STAP1: variants seen among roughly 807,000 people sequenced by gnomAD.
STAP1 encodes the protein signal transducing adaptor family member 1, also known as signal-transducing adaptor protein 1.
Under a neutral mutation model 37.8 loss-of-function variants are expected in STAP1, and 30 were observed. The ratio of observed to expected loss-of-function variants is 0.79; its 90% CI spans 0.59 to 1.08. The LOEUF is 1.08. STAP1 is among the 50% of genes least tolerant of loss of function. The probability of loss-of-function intolerance (pLI) is 0.00; values close to 1 mark genes in which losing one functional copy is unlikely to be tolerated. For synonymous variants in STAP1, 130 were observed against 116.0 expected (o/e 1.12, Z -0.78); for missense variants, 357 against 349.4 (o/e 1.02, Z -0.17).
intron 8 of STAP1, 35 bp downstream of exon 8, chr4:67,593,391 A>G: frequency 1.5e-6 from 2 of 1,378,954 alleles, no homozygotes; most frequent in Non-Finnish European, 2.0e-6. Context: ...GTTAAGGGAA[A>G]CAAAACAAAA....
chr4:67,588,240 T>C (rs1244435091), intron 6 of STAP1, among the ~76,000 whole-genome samples: 1 of 152,062 alleles, frequency 6.6e-6, no homozygotes, highest in Non-Finnish European at 1.5e-5. Context: ...TCAATGGATT[T>C]TTTTTCCCAC....
rs1406065043 is a variant in STAP1 at position 67,575,400 on chromosome 4, G to A, written c.208G>A (p.Asp70Asn). The A allele has an allele frequency of 2.1e-5, 33 of 1,590,590 alleles. No homozygotes were observed. The highest frequency in any genetic ancestry group is 2.8e-5 in the Non-Finnish European group (33 of 1,172,972). ...KKSIIYVDKL[D>N]IVDLTCLTEQ... is the part of the protein sequence containing the mutation. ...ATCTTTGCAGTATGTTGACAAATTAGACATAGTAGACCTCACATGCCTTAC... is the reference window on the plus strand; with the variant it reads ...ATCTTTGCAGTATGTTGACAAATTAAACATAGTAGACCTCACATGCCTTAC... Residue 70 changes from aspartate (D) to asparagine (N), a missense_variant, in exon 3 of 9, where the codon GAC becomes AAC. By Grantham distance (23) the Asp-to-Asn change is conservative. Coordinates refer to ENST00000265404, the MANE Select transcript of STAP1 (RefSeq NM_012108.4).
chr4:67,598,190 C>G (rs1023616776), intron 8 of STAP1, among the ~76,000 whole-genome samples: 2 of 152,162 alleles, frequency 1.3e-5, no homozygotes, highest in Non-Finnish European at 2.9e-5. Context: ...GGCAGTTTCC[C>G]TTGCACTCTC....
At chr4:67,579,773 C>A (rs1191078658) in intron 4 of STAP1, among the ~76,000 whole-genome samples, 1 of 152,192 alleles carries the variant, frequency 6.6e-6, no homozygotes, top group Non-Finnish European at 1.5e-5. Flanking sequence ...ACACCTCCCA[C>A]CAGGCCCCAC....
intron 6 of STAP1, among the ~76,000 whole-genome samples, chr4:67,588,626 G>A (rs1728051787): frequency 2.0e-5 from 3 of 151,994 alleles, no homozygotes; most frequent in South Asian, 2.1e-4. Flanking sequence ...AGCCAGGATG[G>A]TCTCGATCTC....
chr4:67,579,117 G>A (rs1283708148), intron 4 of STAP1, among the ~76,000 whole-genome samples: 1 of 152,150 alleles, frequency 6.6e-6, no homozygotes, highest in Non-Finnish European at 1.5e-5. Context: ...GCCTCCCAAA[G>A]TGCTGGGATT....
Position 67,571,127 on chromosome 4 carries a change from T to A in STAP1, c.164T>A (p.Phe55Tyr). The A allele has an allele frequency of 1.2e-6, 2 of 1,611,606 alleles. No homozygotes were observed. Among genetic ancestry groups the A allele is most frequent in the Non-Finnish European group, 1.7e-6 (2 of 1,177,840 alleles). The change falls in exon 2 of 9, where the codon TTC becomes TAC. Residue 55 changes from phenylalanine (F) to tyrosine (Y), a missense_variant. Transcript: ENST00000265404. ...ACAGAGTTGAGAGGAACTACTCTTTTCTTTTATACCGACAAAAAGAGTATA... is the reference window on the plus strand; with the variant it reads ...ACAGAGTTGAGAGGAACTACTCTTTACTTTTATACCGACAAAAAGAGTATA... ...YWTELRGTTL[F>Y]FYTDKKSIIY... is the part of the protein sequence containing the mutation.
chr4:67,567,367 C>CT (rs1553900662), intron 1 of STAP1, among the ~76,000 whole-genome samples: 9,242 of 119,504 alleles, frequency 0.077, 287 homozygotes, highest in Non-Finnish European at 0.089. Context: ...CAGTTCTCAA[C>CT]TGGGGGGAGG....
intron 1 of STAP1, among the ~76,000 whole-genome samples, chr4:67,567,225 G>C (rs1171530324): frequency 6.6e-6 from 1 of 152,190 alleles, no homozygotes; most frequent in Non-Finnish European, 1.5e-5. Flanking sequence ...TCTTTGCCTA[G>C]TTTTATAACT....
At chr4:67,598,905 TCA>T (rs1473351754) in intron 8 of STAP1, among the ~76,000 whole-genome samples, 7 of 152,238 alleles carry the variant, frequency 4.6e-5, no homozygotes, top group Non-Finnish European at 8.8e-5. Flanking sequence ...TTCCATAGTT[TCA>T]TAGTTTCAGG....
intron 1 of STAP1, among the ~76,000 whole-genome samples, chr4:67,561,387 C>T (rs765354785): frequency 7.2e-5 from 11 of 152,132 alleles, no homozygotes; most frequent in Admixed American, 3.3e-4. Flanking sequence ...CAAAGTCATT[C>T]AGAACATTTA....
intron 6 of STAP1, 121 bp downstream of exon 6, chr4:67,583,823 G>A: frequency 8.2e-7 from 1 of 1,222,542 alleles, no homozygotes; most frequent in Non-Finnish European, 1.1e-6. Context: ...AAGTGGCCGG[G>A]TGCGGTGGCT....
In STAP1 at chr4:67,581,411, C is replaced by A. The variant is rs771908769; in HGVS notation, c.470C>A (p.Ser157Tyr). 6.2e-7 allele frequency: 1 copy of A among 1,613,762 alleles called. No individual in the cohort carries two copies. The highest frequency in any genetic ancestry group is 1.7e-5 in the Admixed American group (1 of 59,984). The change falls in exon 5 of 9, where the codon TCC becomes TAC. Residue 157 changes from serine (S) to tyrosine (Y), a missense_variant. Coordinates refer to ENST00000265404, the MANE Select transcript of STAP1 (RefSeq NM_012108.4). ...KRRIETEQST[S>Y]VEKEKEPTED... is the part of the protein sequence containing the mutation. Reference sequence around the variant, plus strand: ...AGGATTGAGACAGAGCAGAGTACGTCCGTGGAAAAAGAGAAGGAACCAACT... The same window carrying A: ...AGGATTGAGACAGAGCAGAGTACGTACGTGGAAAAAGAGAAGGAACCAACT...
chr4:67,600,589 G>T lies in STAP1; in HGVS notation c.827-5707G>T, dbSNP rs531437895. 4.0e-4 allele frequency among the ~76,000 whole-genome samples: 61 copies of T among 152,112 alleles called. 1 individual carries two copies. In the South Asian group the frequency reaches 0.013, roughly 32 times the overall value. ...GTCTGGCTGAAAATGGGGTGTTGAT[G>T]TTTCTAGCTATTATTGTACTGGGGT... On this transcript the variant is annotated intron_variant, in intron 8 of 8. Transcript: ENST00000265404.
At chr4:67,594,467 T>C (rs1728181721) in intron 8 of STAP1, among the ~76,000 whole-genome samples, 1 of 151,544 alleles carries the variant, frequency 6.6e-6, no homozygotes, top group African/African-American at 2.4e-5. Flanking sequence ...AGCTTGTTTG[T>C]AAATTGTGAA....
Position 67,569,677 on chromosome 4 carries a change from C to T in STAP1, c.121-1407C>T, listed in dbSNP as rs116328735. 9.5e-3 allele frequency among the ~76,000 whole-genome samples: 1,440 copies of T among 152,036 alleles called. 12 individuals are homozygous for T. Among genetic ancestry groups the T allele is most frequent in the Non-Finnish European group, 0.016 (1,119 of 67,986 alleles). On this transcript the variant is annotated intron_variant, in intron 1 of 8. Transcript: ENST00000265404. ...ACACACATACATTAGCCTAGGCCTA[C>T]GCAGGGTCAAGATTATCAATATCAT...
chr4:67,572,873 G>A (rs922516031), intron 2 of STAP1, among the ~76,000 whole-genome samples: 3 of 152,156 alleles, frequency 2.0e-5, no homozygotes, highest in Non-Finnish European at 4.4e-5. Context: ...ATTGTACAAG[G>A]TTAGATAGGT....
At chr4:67,604,484 T>C (rs924483246) in intron 8 of STAP1, among the ~76,000 whole-genome samples, 10 of 152,232 alleles carry the variant, frequency 6.6e-5, no homozygotes, top group African/African-American at 2.4e-4. Flanking sequence ...TGGGTTTTTA[T>C]AGCTTTTCTT....
chr4:67,599,591 T>A (rs1185264774), intron 8 of STAP1, among the ~76,000 whole-genome samples: 3 of 152,082 alleles, frequency 2.0e-5, no homozygotes, highest in African/African-American at 7.2e-5. Context: ...ATTTGAGCCT[T>A]CTTTTTTTCT....
Sources: allele counts gnomAD v4.1 joint callset (sites outside exome capture counted in the v4.1 genomes callset), GRCh38; gene constraint gnomAD v4.1.1; transcripts MANE v1.5; gene names NCBI Gene and HGNC (gene_info 2026-07-23, HGNC 2026-07-21).